Variants in PER1 observed in about 807,000 individuals in gnomAD.
PER1 encodes period circadian regulator 1.
A neutral mutation model predicts 125.9 loss-of-function variants in PER1; 87 were observed. The ratio of observed to expected loss-of-function variants is 0.69; its 90% CI spans 0.58 to 0.83. PER1 has a LOEUF of 0.83. PER1 is among the 40% of genes least tolerant of loss of function. PER1 has a pLI of 0.00. For missense variants in PER1, 1,775 were observed against 1,722.8 expected (o/e 1.03, Z -0.54); for synonymous variants, 801 against 714.7 (o/e 1.12, Z -1.93).
Position 8,140,853 on chromosome 17 carries a change from C to T in PER1, c.*215G>A, listed in dbSNP as rs972433935. 1.3e-5 allele frequency: 7 copies of T among 558,172 alleles called. No individual in the cohort carries two copies. In the Admixed American group the frequency reaches 1.5e-4, roughly 12 times the overall value. The allele number at this position is 558,172 out of a possible 1,614,324, so 34.6% of individuals were successfully genotyped here. ...CTCTCCAAAGGTGGGAGGTGACACT[C>T]CTCTGGGCTGGGCTGCGGAGTTCTG... On this transcript the variant is annotated 3_prime_UTR_variant, in exon 23 of 23. Transcript: ENST00000317276.
At position 8,147,814 on chromosome 17, in the gene PER1, C is replaced by T. The variant is rs770899976; in HGVS notation, c.1248G>A (p.Ala416=). 1.4e-5 allele frequency: 23 copies of T among 1,613,694 alleles called. No homozygotes were observed. Among genetic ancestry groups the T allele is most frequent in the East Asian group, 2.2e-5 (1 of 44,882 alleles). The stretch of plus-strand genomic sequence containing the variant: ...TAGGGGAGTGGTCAAAGGGCTGGCC[C>T]GCCAACTGCAGAACTGATGGAAGTG... ...LAIHKKILQL[A]GQPFDHSPIR... The change falls in exon 11 of 23, where the codon GCG becomes GCA. Residue 416 remains alanine (A), a synonymous_variant. Transcript: ENST00000317276.
chr17:8,142,995 G>A (rs759519060), intron 19 of PER1, among the ~76,000 whole-genome samples, 160 bp from the exon 20 acceptor site: 5 of 152,192 alleles, frequency 3.3e-5, no homozygotes, highest in African/African-American at 9.7e-5. Context: ...GAAAGCTGGC[G>A]AAGAGTGGGG....
intron 1 of PER1, among the ~76,000 whole-genome samples, chr17:8,151,491 G>C (rs915316745): frequency 6.6e-6 from 1 of 152,144 alleles, no homozygotes; most frequent in East Asian, 1.9e-4. Flanking sequence ...AGGATGGCTC[G>C]GTGGCCGTAA....
At position 8,146,253 on chromosome 17, in the gene PER1, G is replaced by A. The variant is rs1175942880; in HGVS notation, c.2039-116C>T. 4 of 1,519,000 alleles carry A rather than the reference G, an allele frequency of 2.6e-6. No homozygotes were observed. In the African/African-American group the frequency reaches 4.2e-5, roughly 16 times the overall value. The allele number at this position is 1,519,000 out of a possible 1,614,324, so 94.1% of individuals were successfully genotyped here. A position where few individuals can be genotyped will look rare whatever the true frequency, so the allele number is the denominator to read the frequency against. ...TAGGGAACAGAGGGAACAGTCTGGA[G>A]ACCAGGAGGCTGGGGAGGAGAGCAG... On this transcript the variant is annotated intron_variant, in intron 16 of 22. Transcript: ENST00000317276.
intron 19 of PER1, 62 bp downstream of exon 19, chr17:8,143,204 G>A: frequency 1.7e-6 from 2 of 1,205,322 alleles, no homozygotes; most frequent in Non-Finnish European, 2.3e-6. Flanking sequence ...AGGCAGCACA[G>A]GGTGGCAGAG....
At position 8,149,849 on chromosome 17, in the gene PER1, C is replaced by A. The variant is rs1029467233; in HGVS notation, c.557G>T (p.Ser186Ile). 4.3e-6 allele frequency: 7 copies of A among 1,614,020 alleles called. No homozygotes were observed. The highest frequency in any genetic ancestry group is 5.9e-6 in the Non-Finnish European group (7 of 1,180,046). Residue 186 changes from serine (S) to isoleucine (I), a missense_variant, in exon 5 of 23, where the codon AGC (serine) becomes ATC (isoleucine). Ser to Ile is a moderately radical substitution (Grantham distance 142). Coordinates refer to ENST00000317276, the MANE Select transcript of PER1 (RefSeq NM_002616.3). ...GGAGCAAGGCTCGCCCTCCTCCAGG[C>A]TCCACTGCTGGTAGTATTCCTGGTT... ...QANQEYYQQW[S>I]LEEGEPCSMD...
At chr17:8,146,350 G>A (rs1982434999) in intron 16 of PER1, 22 bp downstream of exon 16, 1 of 1,583,960 alleles carries the variant, frequency 6.3e-7, no homozygotes, top group East Asian at 2.2e-5. Flanking sequence ...GGCAGTGGGA[G>A]CAGGGTGCAT....
chr17:8,147,875 G>GT, intron 10 of PER1, 48 bp from the exon 11 acceptor site: 4 of 1,607,678 alleles, frequency 2.5e-6, no homozygotes, highest in Non-Finnish European at 3.4e-6. Flanking sequence ...GGAGAGCTGA[G>GT]TAAGAGGGAG....
At chr17:8,144,024 G>C (rs139689849) in intron 18 of PER1, 148 bp from the exon 19 acceptor site, 1,073 of 1,240,494 alleles carry the variant, frequency 8.6e-4, no homozygotes, top group Non-Finnish European at 1.1e-3. Context: ...GGACTCAGGA[G>C]GTGGGGCACC....
At position 8,150,476 on chromosome 17, in the gene PER1, G is replaced by C; in HGVS notation, c.231C>G (p.Asn77Lys). 1 of 1,614,010 alleles carries C rather than the reference G, an allele frequency of 6.2e-7. No homozygotes were observed. Among genetic ancestry groups the C allele is most frequent in the East Asian group, 2.2e-5 (1 of 44,896 alleles). ...TCTCCAGCAGGGCTGAGTCCTTGCC[G>C]TTGCCTGAGGAGGAGCTGTGTGAGC... ...QRSSHSSSSG[N>K]GKDSALLETT... is the part of the protein sequence containing the mutation. The change falls in exon 2 of 23, where the codon AAC becomes AAG. Residue 77 changes from asparagine to lysine, a missense_variant. Coordinates refer to ENST00000317276, the MANE Select transcript of PER1 (RefSeq NM_002616.3).
Position 8,150,525 on chromosome 17 carries a change from TCATGCCCGTTGGACTCATTGC to T in PER1, c.161_181del (p.Gly54_His60del). ...GCTCCGCTGAGATGCGCCTCTAGAC[TCATGCCCGTTGGACTCATTGC>T]CACTTGAACCATTGCTGTTGGCATC... On this transcript the variant is annotated inframe_deletion, in exon 2 of 23. Coordinates refer to ENST00000317276, the MANE Select transcript of PER1 (RefSeq NM_002616.3). The T allele has an allele frequency of 1.2e-6, 2 of 1,614,110 alleles. No homozygotes were observed. Among genetic ancestry groups the T allele is most frequent in the Non-Finnish European group, 8.5e-7 (1 of 1,180,014 alleles).
Position 8,146,510 on chromosome 17 carries a change from T to C in PER1, c.1908-8A>G, listed in dbSNP as rs1555522574. On this transcript the variant is annotated splice_region_variant and splice_polypyrimidine_tract_variant and intron_variant, in intron 15 of 22. Transcript: ENST00000317276. The stretch of plus-strand genomic sequence containing the variant: ...TTGCAGCTCTCCAGGTACCTGGGGA[T>C]GGACACAGCACAGGGCATCAGAGCA... 6.2e-7 allele frequency: 1 copy of C among 1,611,020 alleles called. No homozygotes were observed. The highest frequency in any genetic ancestry group is 1.7e-5 in the Admixed American group (1 of 59,808).
intron 7 of PER1, chr17:8,149,009 T>A (rs1327515497): frequency 1.6e-6 from 1 of 615,382 alleles, no homozygotes; most frequent in South Asian, 2.0e-5. Flanking sequence ...GCCAACATGG[T>A]GAAACCCCGT....
In PER1 at chr17:8,149,824, G is replaced by A. The variant is rs766052187; in HGVS notation, c.582C>T (p.Ser194=). The A allele has an allele frequency of 6.2e-7, 1 of 1,613,980 alleles. No individual in the cohort carries two copies. Among genetic ancestry groups the A allele is most frequent in the South Asian group, 1.1e-5 (1 of 91,090 alleles). ...CCAGGGTATAGGTGGACATGTCCAT[G>A]GAGCAAGGCTCGCCCTCCTCCAGGC... ...QWSLEEGEPC[S]MDMSTYTLEE... Residue 194 remains serine, a synonymous_variant, in exon 5 of 23, where the codon TCC becomes TCT. Coordinates refer to ENST00000317276, the MANE Select transcript of PER1 (RefSeq NM_002616.3).
Position 8,143,271 on chromosome 17 carries a change from T to C in PER1, c.3067A>G (p.Arg1023Gly), listed in dbSNP as rs1451565533. The change falls in exon 19 of 23, where the codon AGA (arginine) becomes GGA (glycine). Residue 1023 changes from arginine (R) to glycine (G), a missense_variant. Transcript: ENST00000317276. Reference sequence around the variant, plus strand: ...ACGCAGGGGTCAGTGCTCACCAGTCTGGCCTCTGGCTCAGCAGCCTCCGCA... The same window carrying C: ...ACGCAGGGGTCAGTGCTCACCAGTCCGGCCTCTGGCTCAGCAGCCTCCGCA... The part of the protein sequence containing the change: ...PSAEAAEPEA[R>G]LAEVTESSNQ... 5 of 1,542,456 alleles carry C rather than the reference T, an allele frequency of 3.2e-6. No individual in the cohort carries two copies. The highest frequency in any genetic ancestry group is 4.4e-6 in the Non-Finnish European group (5 of 1,144,278).
At position 8,140,647 on chromosome 17, in the gene PER1, C is replaced by G. The variant is rs78146161; in HGVS notation, c.*421G>C. ...CAGAGCAGCTAGGGGCTGGAACCCCCGGGTCCTGCTTGGGCCTCAGGCTCT... is the reference window on the plus strand; with the variant it reads ...CAGAGCAGCTAGGGGCTGGAACCCCGGGGTCCTGCTTGGGCCTCAGGCTCT... On this transcript the variant is annotated 3_prime_UTR_variant, in exon 23 of 23. Coordinates refer to ENST00000317276, the MANE Select transcript of PER1 (RefSeq NM_002616.3). 915 of 247,462 alleles carry G rather than the reference C, an allele frequency of 3.7e-3. 4 individuals carry two copies. The highest frequency in any genetic ancestry group is 0.018 in the African/African-American group (836 of 45,882). The allele number at this position is 247,462 out of a possible 1,614,324, so 15.3% of individuals were successfully genotyped here. A position where few individuals can be genotyped will look rare whatever the true frequency, so the allele number is the denominator to read the frequency against.
chr17:8,149,290 T>C lies in PER1; in HGVS notation c.874A>G (p.Thr292Ala), dbSNP rs375468455. Residue 292 changes from threonine (T) to alanine (A), a missense_variant, in exon 7 of 23, where the codon ACC becomes GCC. Transcript: ENST00000317276. ...CGGCAGAAGACGGACTTCTCCTGGG[T>C]AAAGTCCCTGAGGCCTGAACCTGGG... is the stretch of plus-strand genomic sequence containing the variant. ...ASAGSGLRDF[T>A]QEKSVFCRIR... 1.9e-6 allele frequency: 3 copies of C among 1,613,504 alleles called. No homozygotes were observed. The East Asian group carries it at 6.7e-5, about 36-fold the overall frequency.
At chr17:8,146,266 GGGA>G (rs1982429079) in intron 16 of PER1, 103 bp downstream of exon 16, 1 of 1,520,270 alleles carries the variant, frequency 6.6e-7, no homozygotes, top group African/African-American at 1.4e-5. Flanking sequence ...CAGGAGGCTG[GGGA>G]GGAGAGCAGG....
Position 8,141,174 on chromosome 17 carries a change from C to T in PER1, c.3767G>A (p.Gly1256Asp), listed in dbSNP as rs781533002. Residue 1256 changes from glycine (G) to aspartate (D), a missense_variant, in exon 23 of 23, where the codon GGC becomes GAC. Transcript: ENST00000317276. ...GEGEGCEEAQ[G>D]GAKASSSQDL... ...CTGAGAGCTTGAAGCCTTGGCCCCGCCTTGGGCCTCCTCGCAGCCCTCTCC... is the reference window on the plus strand; with the variant it reads ...CTGAGAGCTTGAAGCCTTGGCCCCGTCTTGGGCCTCCTCGCAGCCCTCTCC... The T allele has an allele frequency of 1.2e-6, 2 of 1,614,090 alleles. No individual in the cohort carries two copies. Among genetic ancestry groups the T allele is most frequent in the East Asian group, 4.5e-5 (2 of 44,896 alleles).
Sources: allele counts gnomAD v4.1 joint callset (sites outside exome capture counted in the v4.1 genomes callset), GRCh38; gene constraint gnomAD v4.1.1; transcripts MANE v1.5; gene names NCBI Gene and HGNC (gene_info 2026-07-23, HGNC 2026-07-21).